Variants in CDH4 observed in about 807,000 individuals in gnomAD.
CDH4 encodes cadherin-4.
In CDH4, 33 loss-of-function variants were observed where a neutral mutation model predicts 86.0. That is an observed-to-expected ratio of 0.38 (90% CI 0.29 to 0.51). The LOEUF (loss-of-function observed/expected upper bound fraction) is 0.51, where lower values mean the gene tolerates loss of function less well. Among genes scored for constraint, CDH4 ranks in the 20% least tolerant of loss-of-function variants. CDH4 has a pLI of 0.86. For missense variants in CDH4, 1,114 were observed against 1,307.4 expected (o/e 0.85, Z 2.28); for synonymous variants, 555 against 549.4 (o/e 1.01, Z -0.14).
chr20:61,830,214 G>A (rs891745987), intron 4 of CDH4, among the ~76,000 whole-genome samples: 6 of 151,490 alleles, frequency 4.0e-5, no homozygotes, highest in Admixed American at 6.6e-5. Context: ...CAGAGGCTCC[G>A]AGGGAGCAGG....
intron 4 of CDH4, among the ~76,000 whole-genome samples, chr20:61,796,225 G>A (rs996840742): frequency 4.6e-5 from 7 of 152,160 alleles, no homozygotes; most frequent in Non-Finnish European, 1.0e-4. Flanking sequence ...GGTTCAGAGA[G>A]GCTGAGTGAC....
intron 7 of CDH4, among the ~76,000 whole-genome samples, chr20:61,877,183 C>A (rs563749216): frequency 6.6e-6 from 1 of 152,174 alleles, no homozygotes; most frequent in East Asian, 1.9e-4. Flanking sequence ...CCCTACAGAT[C>A]ATGGCAGCTC....
At chr20:61,603,585 G>A (rs532571763) in intron 2 of CDH4, among the ~76,000 whole-genome samples, 1 of 152,184 alleles carries the variant, frequency 6.6e-6, no homozygotes, top group Admixed American at 6.5e-5. Context: ...GGCCCATCCC[G>A]GGCCCTCACC....
chr20:61,869,643 C>T (rs77061759), intron 6 of CDH4, among the ~76,000 whole-genome samples: 5,145 of 152,324 alleles, frequency 0.034, 159 homozygotes, highest in East Asian at 0.18. Context: ...CCTGGCCCCT[C>T]CTCAATGCCA....
In CDH4 at chr20:61,417,716, G is replaced by A. The variant is rs933170884; in HGVS notation, c.169+162779G>A. On this transcript the variant is annotated intron_variant, in intron 2 of 15. Coordinates refer to ENST00000614565, the MANE Select transcript of CDH4 (RefSeq NM_001794.5). The surrounding 1 kb of genome is among the most constrained non-coding windows in gnomAD (Gnocchi z 4.0). ...ACTTGTATTACTCATTTTACGGCTG[G>A]AGACAGGTGCACATGGCGGGAAGTG... Among the ~76,000 whole-genome samples, 4 of 152,200 alleles carry A rather than the reference G, an allele frequency of 2.6e-5. No individual in the cohort carries two copies. Among genetic ancestry groups the A allele is most frequent in the Admixed American group, 2.6e-4 (4 of 15,280 alleles).
intron 2 of CDH4, among the ~76,000 whole-genome samples, chr20:61,620,885 A>G (rs965039634): frequency 6.6e-6 from 1 of 152,148 alleles, no homozygotes; most frequent in African/African-American, 2.4e-5. Context: ...CAGCGCCTCC[A>G]CCACCCTGGT....
chr20:61,686,004 T>G (rs1568755107), intron 2 of CDH4, among the ~76,000 whole-genome samples: 1 of 152,226 alleles, frequency 6.6e-6, no homozygotes, highest in Non-Finnish European at 1.5e-5. Context: ...CTTGAAGATC[T>G]CAATAAATAC....
chr20:61,661,732 A>AT (rs1315256350), intron 2 of CDH4, among the ~76,000 whole-genome samples: 2 of 151,924 alleles, frequency 1.3e-5, no homozygotes, highest in Non-Finnish European at 2.9e-5. Context: ...CACCGCACAC[A>AT]TTTCCACTTT....
At chr20:61,298,720 A>G (rs1056605838) in intron 2 of CDH4, among the ~76,000 whole-genome samples, 1 of 149,258 alleles carries the variant, frequency 6.7e-6, no homozygotes, top group African/African-American at 2.4e-5. Flanking sequence ...AAAAAAAAAG[A>G]AAAAGAAAAA....
At chr20:61,530,282 G>A (rs185135371) in intron 2 of CDH4, among the ~76,000 whole-genome samples, 31 of 152,176 alleles carry the variant, frequency 2.0e-4, no homozygotes, top group African/African-American at 5.8e-4. Context: ...CCGCCCCTTC[G>A]GCCTCCCAAA....
In CDH4 at chr20:61,852,858, C is replaced by T. The variant is rs1982792140; in HGVS notation, c.837C>T (p.Asn279=). The T allele has an allele frequency of 1.9e-6, 3 of 1,614,082 alleles. No individual in the cohort carries two copies. Among genetic ancestry groups the T allele is most frequent in the Non-Finnish European group, 2.5e-6 (3 of 1,179,972 alleles). The change falls in exon 6 of 16, where the codon AAC becomes AAT. Residue 279 remains asparagine (N), a synonymous_variant. Transcript: ENST00000614565. ...DMNDNRPEFI[N]QVYNGSVDEG... ...ATGACAACCGCCCTGAGTTCATCAA[C>T]CAGGTCTACAACGGCTCCGTGGACG...
chr20:61,686,537 ATG>A (rs59933717), intron 2 of CDH4, among the ~76,000 whole-genome samples: 191 of 127,652 alleles, frequency 1.5e-3, no homozygotes, highest in Admixed American at 2.8e-3. Context: ...GCATTTGTGT[ATG>A]TGTGCATTCG....
At chr20:61,290,668 A>G (rs571440916) in intron 2 of CDH4, among the ~76,000 whole-genome samples, 1 of 152,338 alleles carries the variant, frequency 6.6e-6, no homozygotes, top group South Asian at 2.1e-4. Flanking sequence ...TCTCCAGAAG[A>G]TGGCACAGGT....
chr20:61,683,504 A>T (rs2145861387), intron 2 of CDH4, among the ~76,000 whole-genome samples: 1 of 152,256 alleles, frequency 6.6e-6, no homozygotes, highest in Middle Eastern at 3.4e-3. Context: ...AGTGCGGCCC[A>T]GGCAGATGGT....
intron 4 of CDH4, among the ~76,000 whole-genome samples, chr20:61,819,543 A>C (rs1419427645): frequency 6.6e-6 from 1 of 152,134 alleles, no homozygotes; most frequent in East Asian, 1.9e-4. Context: ...GCAGCCCAGC[A>C]CCCGCTTCAT....
At chr20:61,355,527 C>T (rs1230578142) in intron 2 of CDH4, among the ~76,000 whole-genome samples, 1 of 152,208 alleles carries the variant, frequency 6.6e-6, no homozygotes, top group Non-Finnish European at 1.5e-5. Context: ...CAAAGTCCAT[C>T]CCAAGCTCCC....
At chr20:61,691,618 G>A (rs1036971284) in intron 2 of CDH4, among the ~76,000 whole-genome samples, 9 of 152,112 alleles carry the variant, frequency 5.9e-5, no homozygotes, top group African/African-American at 1.7e-4. Context: ...AACCTACATG[G>A]TCCAGCCTTC....
intron 2 of CDH4, among the ~76,000 whole-genome samples, chr20:61,555,808 T>G (rs184878351): frequency 6.6e-6 from 1 of 152,298 alleles, no homozygotes; most frequent in Non-Finnish European, 1.5e-5. Context: ...ATACCTACCT[T>G]TAAGGAGTCA....
intron 2 of CDH4, among the ~76,000 whole-genome samples, chr20:61,259,178 T>C (rs550168764): frequency 6.6e-6 from 1 of 152,336 alleles, no homozygotes; most frequent in East Asian, 1.9e-4. Flanking sequence ...GAATGACTCA[T>C]TTGCATACAA....
Sources: allele counts gnomAD v4.1 joint callset (sites outside exome capture counted in the v4.1 genomes callset), GRCh38; gene constraint gnomAD v4.1.1; non-coding constraint Gnocchi (gnomAD v3.1); transcripts MANE v1.5; gene names NCBI Gene and HGNC (gene_info 2026-07-23, HGNC 2026-07-21).